MPP4: variants seen among roughly 807,000 people sequenced by gnomAD.
The protein encoded by MPP4 is MAGUK p55 scaffold protein 4, also known as MAGUK p55 subfamily member 4.
MPP4 carries 91 observed loss-of-function variants against 98.3 expected under a neutral mutation model. The ratio of observed to expected loss-of-function variants is 0.93; its 90% CI spans 0.78 to 1.10. MPP4 has a LOEUF of 1.10. Among genes scored for constraint, MPP4 ranks in the 50% least tolerant of loss-of-function variants. The pLI is 0.00. For missense variants in MPP4, 744 were observed against 792.9 expected (o/e 0.94, Z 0.74); for synonymous variants, 261 against 271.8 (o/e 0.96, Z 0.39).
intron 18 of MPP4, among the ~76,000 whole-genome samples, chr2:201,654,602 C>T (rs1041372421): frequency 6.6e-6 from 1 of 151,946 alleles, no homozygotes; most frequent in Non-Finnish European, 1.5e-5. Flanking sequence ...CACATGTACC[C>T]TAAAACTTAA....
At chr2:201,659,444 G>A (rs1412049374) in intron 15 of MPP4, among the ~76,000 whole-genome samples, 1 of 152,014 alleles carries the variant, frequency 6.6e-6, no homozygotes, top group East Asian at 1.9e-4. Flanking sequence ...GAGATCTCAG[G>A]AAAAAACTCC....
intron 10 of MPP4, among the ~76,000 whole-genome samples, chr2:201,675,983 C>T (rs982114929): frequency 6.6e-6 from 1 of 152,202 alleles, no homozygotes; most frequent in African/African-American, 2.4e-5. Flanking sequence ...ACTGCAGAAT[C>T]TCAGTCTCCA....
intron 13 of MPP4, chr2:201,664,372 T>C: frequency 7.4e-7 from 1 of 1,354,614 alleles, no homozygotes. Flanking sequence ...GTGAATAAAA[T>C]AAAATGTAAA....
chr2:201,663,956 G>A (rs951640897), intron 14 of MPP4, 125 bp downstream of exon 14: 10 of 528,156 alleles, frequency 1.9e-5, no homozygotes, highest in Non-Finnish European at 3.1e-5. Context: ...TGGGATACAC[G>A]CAGTTACTTT....
At chr2:201,681,829 C>CCA (rs1440130553) in intron 8 of MPP4, among the ~76,000 whole-genome samples, 2 of 151,296 alleles carry the variant, frequency 1.3e-5, no homozygotes, top group African/African-American at 4.9e-5. Flanking sequence ...GACCCCCCCC[C>CCA]ACCCTACACT....
chr2:201,668,606 A>T (rs1364138836), intron 12 of MPP4, among the ~76,000 whole-genome samples: 1 of 152,142 alleles, frequency 6.6e-6, no homozygotes, highest in African/African-American at 2.4e-5. Context: ...CTTACCAGAA[A>T]CCAACCCTGC....
intron 7 of MPP4, among the ~76,000 whole-genome samples, chr2:201,683,939 G>C (rs1209777389): frequency 6.6e-6 from 1 of 152,038 alleles, no homozygotes; most frequent in African/African-American, 2.4e-5. Context: ...CACAACAGTA[G>C]CCAGGTGTGG....
intron 4 of MPP4, among the ~76,000 whole-genome samples, chr2:201,687,908 A>C (rs1454084020): frequency 6.6e-6 from 1 of 152,218 alleles, no homozygotes; most frequent in Non-Finnish European, 1.5e-5. Flanking sequence ...AAGCGGAAAA[A>C]AATTCTGCTC....
intron 14 of MPP4, 94 bp from the exon 15 acceptor site, chr2:201,660,440 A>G (rs1687993102): frequency 2.2e-6 from 3 of 1,369,710 alleles, no homozygotes; most frequent in Non-Finnish European, 3.1e-6. Context: ...TGACATAAGC[A>G]AGACGTGCAC....
intron 3 of MPP4, 104 bp downstream of exon 3, chr2:201,692,804 A>T: frequency 6.8e-7 from 1 of 1,467,026 alleles, no homozygotes; most frequent in Non-Finnish European, 9.1e-7. Flanking sequence ...TGTTGTTTAT[A>T]AACTATTCCA....
At chr2:201,666,445 G>T (rs1688176932) in intron 12 of MPP4, 73 bp from the exon 13 acceptor site, 2 of 1,242,060 alleles carry the variant, frequency 1.6e-6, no homozygotes, top group Non-Finnish European at 2.2e-6. Flanking sequence ...TCCCGGCCAG[G>T]CATGGTGGCT....
intron 15 of MPP4, among the ~76,000 whole-genome samples, chr2:201,659,215 AT>A (rs10719317): frequency 0.99 from 149,722 of 151,786 alleles, 73,877 homozygotes; most frequent in East Asian, 1. Flanking sequence ...TGTGTTTATA[AT>A]TTTTTTTTTC....
intron 14 of MPP4, among the ~76,000 whole-genome samples, chr2:201,662,889 G>A (rs1688066669): frequency 6.6e-6 from 1 of 152,138 alleles, no homozygotes; most frequent in Non-Finnish European, 1.5e-5. Context: ...CAGCAGGTTT[G>A]CAGTTTAAAA....
In MPP4 at chr2:201,657,684, G is replaced by A. The variant is rs116744087; in HGVS notation, c.1129+793C>T. On this transcript the variant is annotated intron_variant, in intron 16 of 21. Transcript: ENST00000409474. ...GGGGACAGACAGTGTTGATAGCCTCGCACAAAGTGTCAGAGCCCAAGCTAG... is the reference window on the plus strand; with the variant it reads ...GGGGACAGACAGTGTTGATAGCCTCACACAAAGTGTCAGAGCCCAAGCTAG... Among the ~76,000 whole-genome samples the A allele has an allele frequency of 8.0e-3, 1,174 of 147,322 alleles. 7 individuals carry two copies. The highest frequency in any genetic ancestry group is 0.014 in the Non-Finnish European group (917 of 67,256).
At chr2:201,675,353 C>T (rs887727614) in intron 10 of MPP4, 82 bp from the exon 11 acceptor site, 72 of 1,328,628 alleles carry the variant, frequency 5.4e-5, no homozygotes, top group East Asian at 3.3e-4. Flanking sequence ...CCCAGAGCAA[C>T]GACAAACAGA....
chr2:201,697,943 T>C, intron 1 of MPP4: 1 of 985,462 alleles, frequency 1.0e-6, no homozygotes, highest in Non-Finnish European at 1.2e-6. Context: ...TTCCTTTCCA[T>C]GACTTCTGTA....
chr2:201,675,166 T>C (rs1423632315), intron 11 of MPP4, 41 bp downstream of exon 11: 4 of 1,574,024 alleles, frequency 2.5e-6, no homozygotes, highest in South Asian at 2.3e-5. Context: ...ATGGTCTTTA[T>C]TGCAAACAGG....
intron 16 of MPP4, 90 bp from the exon 17 acceptor site, chr2:201,656,458 C>T: frequency 1.6e-6 from 2 of 1,255,044 alleles, no homozygotes; most frequent in Non-Finnish European, 1.1e-6. Context: ...CAACCATGAT[C>T]CTAAAGTGTT....
chr2:201,672,941 T>C (rs1038811340), intron 11 of MPP4, among the ~76,000 whole-genome samples: 1 of 152,180 alleles, frequency 6.6e-6, no homozygotes, highest in Admixed American at 6.5e-5. Context: ...CCAATATCCG[T>C]GATGAACATC....
Sources: allele counts gnomAD v4.1 joint callset (sites outside exome capture counted in the v4.1 genomes callset), GRCh38; gene constraint gnomAD v4.1.1; transcripts MANE v1.5; gene names NCBI Gene and HGNC (gene_info 2026-07-23, HGNC 2026-07-21).